The following TICAM2 variants were observed in gnomAD, a reference collection of about 807,000 sequenced individuals.
TICAM2 encodes TIR domain containing adaptor molecule 2, also known as TIR domain-containing adapter molecule 2.
TICAM2 carries 8 observed loss-of-function variants against 7.3 expected under a neutral mutation model. The observed-to-expected ratio is 1.10, with a 90% CI of 0.65 to 1.99. TICAM2 has a LOEUF of 1.99. Ranked by LOEUF, TICAM2 falls within the 30% of genes most tolerant of loss-of-function variation. The probability of loss-of-function intolerance (pLI) is 0.00; values close to 1 mark genes in which losing one functional copy is unlikely to be tolerated. For missense variants in TICAM2, 304 were observed against 278.8 expected, an observed-to-expected ratio of 1.09 and a Z score of -0.65; for synonymous variants, 113 against 99.6, an observed-to-expected ratio of 1.13 and a Z score of -0.80.
chr5:115,601,454 G>A (rs915308870), intron 1 of TICAM2, among the ~76,000 whole-genome samples: 2 of 151,852 alleles, frequency 1.3e-5, no homozygotes, highest in African/African-American at 2.4e-5. Flanking sequence ...CTGTGTAGAC[G>A]TGCAATGTGG....
rs184224001 is a variant in TICAM2, at chr5:115,586,236, A to C, written c.-59-4921T>G. ...TGGAGTTATTGTTGTCATTATTATT[A>C]AGATTAACTATTCCTACAGTGATTT... On this transcript the variant is annotated intron_variant, in intron 1 of 1. Transcript: ENST00000427199. Among the ~76,000 whole-genome samples, 215 of 152,324 alleles carry C rather than the reference A, an allele frequency of 1.4e-3. 1 individual carries two copies. The highest frequency in any genetic ancestry group is 2.3e-3 in the Non-Finnish European group (156 of 68,036).
At chr5:115,583,228 G>C (rs753128810) in intron 1 of TICAM2, among the ~76,000 whole-genome samples, 15 of 138,698 alleles carry the variant, frequency 1.1e-4, no homozygotes, top group Non-Finnish European at 1.9e-4. Context: ...CCATCCAGAG[G>C]CATCTATTTA....
chr5:115,594,547 A>G lies in TICAM2; in HGVS notation c.-60+7550T>C, dbSNP rs113710112. On this transcript the variant is annotated intron_variant, in intron 1 of 1. Transcript: ENST00000427199. ...CAGCCAAGAAATACAAAATTATTCA[A>G]CTTACTAAGTTTTCCTCAGTCTGAA... Among the ~76,000 whole-genome samples the G allele has an allele frequency of 9.3e-3, 1,414 of 152,318 alleles. 26 individuals are homozygous for G. Among genetic ancestry groups the G allele is most frequent in the African/African-American group, 0.032 (1,349 of 41,556 alleles).
At chr5:115,595,369 C>A (rs1561578166) in intron 1 of TICAM2, among the ~76,000 whole-genome samples, 1 of 152,200 alleles carries the variant, frequency 6.6e-6, no homozygotes, top group African/African-American at 2.4e-5. Flanking sequence ...ACCCACTAAA[C>A]TTTAAGTCCT....
chr5:115,599,396 G>T (rs900405984), intron 1 of TICAM2, among the ~76,000 whole-genome samples: 6 of 151,948 alleles, frequency 3.9e-5, no homozygotes, highest in African/African-American at 1.5e-4. Context: ...GATGGTAAAG[G>T]GCAAATCTCC....
At chr5:115,599,543 C>A (rs151209454) in intron 1 of TICAM2, among the ~76,000 whole-genome samples, 2 of 152,306 alleles carry the variant, frequency 1.3e-5, no homozygotes, top group Non-Finnish European at 2.9e-5. Context: ...TTTAAAGGTT[C>A]CATAAGCTTC....
At chr5:115,598,075 T>C (rs1286899582) in intron 1 of TICAM2, among the ~76,000 whole-genome samples, 4 of 152,182 alleles carry the variant, frequency 2.6e-5, no homozygotes, top group Non-Finnish European at 5.9e-5. Context: ...TGAACAATGA[T>C]CACACAGTCT....
In TICAM2 at chr5:115,579,705, G is replaced by GAGA. The variant is rs1369603905; in HGVS notation, c.*841_*843dup. 2 of 152,310 alleles carry GAGA rather than the reference G, an allele frequency of 1.3e-5. No individual in the cohort carries two copies. The highest frequency in any genetic ancestry group is 4.8e-5 in the African/African-American group (2 of 41,572). 9.4% of individuals were successfully genotyped at this position (152,310 alleles called of 1,614,324 possible). On this transcript the variant is annotated 3_prime_UTR_variant, in exon 2 of 2. Coordinates refer to ENST00000427199, the MANE Select transcript of TICAM2 (RefSeq NM_021649.7). The stretch of plus-strand genomic sequence containing the variant: ...AAGACCTAAATGAGAAATACTTCCT[G>GAGA]AGAAGAGAATTGTGTGTGACGGAAA...
chr5:115,582,909 G>C (rs1217282249), intron 1 of TICAM2, among the ~76,000 whole-genome samples: 1 of 152,186 alleles, frequency 6.6e-6, no homozygotes, highest in East Asian at 1.9e-4. Context: ...TTCAATGTAT[G>C]TGAGTAAAAA....
intron 1 of TICAM2, among the ~76,000 whole-genome samples, chr5:115,586,303 G>A (rs188722415): frequency 1.3e-5 from 2 of 151,882 alleles, no homozygotes; most frequent in East Asian, 3.9e-4. Flanking sequence ...GATAGTTGAT[G>A]ATCTGTCTTT....
intron 1 of TICAM2, among the ~76,000 whole-genome samples, chr5:115,590,060 A>C (rs1248235182): frequency 7.9e-5 from 12 of 152,210 alleles, no homozygotes; most frequent in Middle Eastern, 3.2e-3. Context: ...AATTATGTGA[A>C]TATAGGGTCT....
At chr5:115,584,373 T>C (rs1169221767) in intron 1 of TICAM2, among the ~76,000 whole-genome samples, 1 of 152,174 alleles carries the variant, frequency 6.6e-6, no homozygotes, top group Non-Finnish European at 1.5e-5. Flanking sequence ...CTTCTTCTTA[T>C]TTACAACTAC....
At chr5:115,598,678 A>G (rs1755603090) in intron 1 of TICAM2, among the ~76,000 whole-genome samples, 1 of 152,152 alleles carries the variant, frequency 6.6e-6, no homozygotes, top group Non-Finnish European at 1.5e-5. Flanking sequence ...CGATATTCCA[A>G]ATCTACTTAT....
chr5:115,592,027 TAAAA>T (rs1182032235), intron 1 of TICAM2, among the ~76,000 whole-genome samples: 2 of 152,082 alleles, frequency 1.3e-5, no homozygotes, highest in Non-Finnish European at 2.9e-5. Flanking sequence ...AAAAAAGTCT[TAAAA>T]ACAGCAAGAG....
At chr5:115,594,892 A>AT (rs1217536062) in intron 1 of TICAM2, among the ~76,000 whole-genome samples, 28 of 151,260 alleles carry the variant, frequency 1.9e-4, no homozygotes, top group Middle Eastern at 6.8e-3. Context: ...ACTTTAGGAG[A>AT]TTTTTTTTTA....
At chr5:115,599,585 AATAGCAACCT>A (rs1217737867) in intron 1 of TICAM2, among the ~76,000 whole-genome samples, 3 of 152,204 alleles carry the variant, frequency 2.0e-5, no homozygotes, top group Non-Finnish European at 1.5e-5. Context: ...TTCAGTATTT[AATAGCAACCT>A]ACCGCACAGG....
intron 1 of TICAM2, among the ~76,000 whole-genome samples, chr5:115,586,271 G>A (rs1419050868): frequency 1.3e-5 from 2 of 152,126 alleles, no homozygotes; most frequent in African/African-American, 4.8e-5. Flanking sequence ...TTTTATTTGT[G>A]TTGTGTTACA....
Position 115,585,636 on chromosome 5 carries a change from T to C in TICAM2, c.-59-4321A>G, listed in dbSNP as rs527635674. Among the ~76,000 whole-genome samples the C allele has an allele frequency of 3.3e-5, 5 of 152,274 alleles. No homozygotes were observed. In the East Asian group the frequency reaches 7.7e-4, roughly 23 times the overall value. ...CAGAATTAGATAAAAAGGGAGGCTA[T>C]AGACAAATCAAGGATCCAAACACTA... On this transcript the variant is annotated intron_variant, in intron 1 of 1. Transcript: ENST00000427199.
intron 1 of TICAM2, chr5:115,581,789 C>T: frequency 6.4e-6 from 1 of 156,546 alleles, no homozygotes; most frequent in Non-Finnish European, 1.4e-5. Flanking sequence ...CACAAATATC[C>T]TAACAATGAC....
Sources: allele counts gnomAD v4.1 joint callset (sites outside exome capture counted in the v4.1 genomes callset), GRCh38; gene constraint gnomAD v4.1.1; transcripts MANE v1.5; gene names NCBI Gene and HGNC (gene_info 2026-07-23, HGNC 2026-07-21).